Variants in SIL1 observed in about 807,000 individuals in gnomAD.
SIL1 encodes the protein SIL1 nucleotide exchange factor.
In SIL1, 40 loss-of-function variants were observed where a neutral mutation model predicts 49.1. The ratio of observed to expected loss-of-function variants is 0.81; its 90% CI spans 0.63 to 1.06. The LOEUF is 1.06. Among genes scored for constraint, SIL1 ranks in the 50% least tolerant of loss-of-function variants. SIL1 has a pLI of 0.00. For missense variants in SIL1, 500 were observed against 572.6 expected, an observed-to-expected ratio of 0.87 and a Z score of 1.29; for synonymous variants, 253 against 250.8, an observed-to-expected ratio of 1.01 and a Z score of -0.08.
chr5:139,166,932 C>T (rs1035552746), intron 1 of SIL1, among the ~76,000 whole-genome samples: 9 of 152,174 alleles, frequency 5.9e-5, no homozygotes, highest in African/African-American at 2.2e-4. Context: ...CCTCAGCCTC[C>T]CAAGTAGCTG....
At chr5:138,970,657 C>G (rs956458791) in intron 7 of SIL1, among the ~76,000 whole-genome samples, 2 of 152,112 alleles carry the variant, frequency 1.3e-5, no homozygotes, top group African/African-American at 4.8e-5. Flanking sequence ...AACAGCCAAT[C>G]CCAGCATAAA....
intron 1 of SIL1, among the ~76,000 whole-genome samples, chr5:139,146,008 T>C (rs996305848): frequency 1.3e-5 from 2 of 151,914 alleles, no homozygotes; most frequent in African/African-American, 4.8e-5. Context: ...GTATATGAGA[T>C]TGTGTTGTGT....
rs61070788 is a variant in SIL1, at chr5:139,058,970, A to ATGTGTGTGTG, written c.245-7934_245-7925dup. Among the ~76,000 whole-genome samples the ATGTGTGTGTG allele has an allele frequency of 1.0e-3, 156 of 150,332 alleles. 1 individual carries two copies. The highest frequency in any genetic ancestry group is 3.6e-3 in the African/African-American group (146 of 40,740). On this transcript the variant is annotated intron_variant, in intron 3 of 9. Coordinates refer to ENST00000394817, the MANE Select transcript of SIL1 (RefSeq NM_022464.5). ...TCAGTAGGCGGAGCTAGAAATGTGT[A>ATGTGTGTGTG]TGTGTGTGTGTGTGTGTAACAAAAT...
chr5:138,983,056 G>C (rs987067554), intron 7 of SIL1, among the ~76,000 whole-genome samples: 1 of 151,878 alleles, frequency 6.6e-6, no homozygotes, highest in African/African-American at 2.4e-5. Flanking sequence ...AATTAGCCAG[G>C]CATGGCGGCT....
Position 139,021,300 on chromosome 5 carries a change from A to G in SIL1, c.646-8T>C. 2 of 1,614,138 alleles carry G rather than the reference A, an allele frequency of 1.2e-6. No individual in the cohort carries two copies. The highest frequency in any genetic ancestry group is 1.7e-6 in the Non-Finnish European group (2 of 1,180,014). The stretch of plus-strand genomic sequence containing the variant: ...GTCCTGCGCATTGTCCATCTGCAAC[A>G]GAGCCACTGCTTAGTACAGCATAGC... On this transcript the variant is annotated splice_region_variant and splice_polypyrimidine_tract_variant and intron_variant, in intron 6 of 9. Transcript: ENST00000394817.
intron 5 of SIL1, chr5:139,035,351 G>A (rs559657713): frequency 1.5e-5 from 8 of 533,440 alleles, no homozygotes; most frequent in South Asian, 1.1e-4. Flanking sequence ...CACTGTGTTT[G>A]ATGTTTTTCC....
chr5:139,195,270 C>A (rs181404808), intron 1 of SIL1, among the ~76,000 whole-genome samples: 2 of 152,218 alleles, frequency 1.3e-5, no homozygotes, highest in East Asian at 1.9e-4. Flanking sequence ...TCATTAACGG[C>A]AAATCTTCAT....
chr5:139,099,283 T>C (rs1398953248), intron 3 of SIL1, among the ~76,000 whole-genome samples: 1 of 151,982 alleles, frequency 6.6e-6, no homozygotes, highest in Admixed American at 6.5e-5. Flanking sequence ...CAATAGCAAA[T>C]GCTGGAGAGG....
intron 7 of SIL1, among the ~76,000 whole-genome samples, chr5:138,990,385 A>C (rs1161449097): frequency 6.6e-6 from 1 of 152,168 alleles, no homozygotes; most frequent in African/African-American, 2.4e-5. Context: ...TAACCGTAGA[A>C]GGTAACCTGG....
Position 139,121,116 on chromosome 5 carries a change from C to A in SIL1, c.163G>T (p.Glu55Ter). 6.2e-7 allele frequency: 1 copy of A among 1,614,218 alleles called. No individual in the cohort carries two copies. The highest frequency in any genetic ancestry group is 8.5e-7 in the Non-Finnish European group (1 of 1,180,042). Residue 55 changes from glutamate (E) to a stop codon, truncating the protein, a stop_gained, in exon 3 of 10, where the codon GAA becomes TAA. Coordinates refer to ENST00000394817, the MANE Select transcript of SIL1 (RefSeq NM_022464.5). LOFTEE classifies it high-confidence loss of function. ...TCCAGCTCCTCCTCGGCTTTGGTTT[C>A]TTTTCTCTCTGTTTCTTTGGTGCTG... ...KSSTKETERK[E>*]TKAEEELDAE... is the part of the protein sequence containing the mutation.
intron 1 of SIL1, among the ~76,000 whole-genome samples, chr5:139,176,169 A>G (rs922093987): frequency 2.0e-5 from 3 of 152,086 alleles, no homozygotes; most frequent in African/African-American, 7.2e-5. Flanking sequence ...ACTCTTTGCC[A>G]CTTCATAAGA....
At chr5:139,059,816 G>A (rs1055086639) in intron 3 of SIL1, among the ~76,000 whole-genome samples, 3 of 151,674 alleles carry the variant, frequency 2.0e-5, no homozygotes, top group Admixed American at 6.6e-5. Context: ...TCTAATACAC[G>A]GGCTCATTTG....
chr5:138,991,859 C>A (rs1767767676), intron 7 of SIL1, among the ~76,000 whole-genome samples: 1 of 152,212 alleles, frequency 6.6e-6, no homozygotes, highest in Admixed American at 6.5e-5. Flanking sequence ...GAGAACCCAT[C>A]CAGAAGGGGC....
chr5:139,065,918 C>T (rs1024924907), intron 3 of SIL1, among the ~76,000 whole-genome samples: 1 of 152,192 alleles, frequency 6.6e-6, no homozygotes, highest in African/African-American at 2.4e-5. Context: ...TGACAGAAGT[C>T]GTCTCCCAAC....
At chr5:139,145,917 AT>A (rs1284137989) in intron 1 of SIL1, among the ~76,000 whole-genome samples, 4 of 151,776 alleles carry the variant, frequency 2.6e-5, no homozygotes, top group Admixed American at 6.6e-5. Context: ...AAAAAAAAAA[AT>A]AAAGAGGCAT....
chr5:139,170,950 G>C (rs1379646433), intron 1 of SIL1, among the ~76,000 whole-genome samples: 1 of 145,352 alleles, frequency 6.9e-6, no homozygotes, highest in Non-Finnish European at 1.5e-5. Flanking sequence ...GGAGGGAGGT[G>C]GGGGGGTCAG....
intron 5 of SIL1, among the ~76,000 whole-genome samples, chr5:139,037,124 G>T (rs1374904625): frequency 6.6e-6 from 1 of 151,482 alleles, no homozygotes; most frequent in Non-Finnish European, 1.5e-5. Context: ...TGTGTGGACA[G>T]TTCATTTTTT....
At chr5:139,139,591 A>G (rs1251245741) in intron 1 of SIL1, among the ~76,000 whole-genome samples, 2 of 152,250 alleles carry the variant, frequency 1.3e-5, no homozygotes, top group Non-Finnish European at 1.5e-5. Flanking sequence ...TATGGAACAG[A>G]ATATACAAAA....
chr5:139,030,657 T>C (rs1159066113), intron 5 of SIL1, among the ~76,000 whole-genome samples: 3 of 151,330 alleles, frequency 2.0e-5, no homozygotes, highest in East Asian at 3.9e-4. Flanking sequence ...ATTCTTTTTT[T>C]TGGGGGGTAG....
Sources: allele counts gnomAD v4.1 joint callset (sites outside exome capture counted in the v4.1 genomes callset), GRCh38; gene constraint gnomAD v4.1.1; transcripts MANE v1.5; gene names NCBI Gene and HGNC (gene_info 2026-07-23, HGNC 2026-07-21).